The following SOX30 variants were observed in gnomAD, a reference collection of about 807,000 sequenced individuals.
SOX30 encodes the protein SRY-box transcription factor 30.
In SOX30, 17 loss-of-function variants were observed where a neutral mutation model predicts 58.6. That is an observed-to-expected ratio of 0.29 (90% CI 0.20 to 0.44). The LOEUF is 0.44. SOX30 is among the 20% of genes least tolerant of loss of function. SOX30 has a pLI of 1.00. For synonymous variants in SOX30, 421 were observed against 400.2 expected, an observed-to-expected ratio of 1.05 and a Z score of -0.62; for missense variants, 951 against 965.8, an observed-to-expected ratio of 0.98 and a Z score of 0.20.
At chr5:157,662,345 T>C (rs1759593302) in intron 2 of SOX30, among the ~76,000 whole-genome samples, 1 of 152,152 alleles carries the variant, frequency 6.6e-6, no homozygotes, top group African/African-American at 2.4e-5. Context: ...TTTCTTTTTA[T>C]TGATTTCTGC....
At chr5:157,627,221 G>T (rs1758679182) in intron 4 of SOX30, among the ~76,000 whole-genome samples, 1 of 152,050 alleles carries the variant, frequency 6.6e-6, no homozygotes. Flanking sequence ...AAATTAGCTG[G>T]GCATGGTGGT....
Position 157,652,068 on chromosome 5 carries a change from G to A in SOX30, c.11C>T (p.Ala4Val). 4.2e-6 allele frequency: 6 copies of A among 1,417,630 alleles called. No individual in the cohort carries two copies. The South Asian group carries it at 7.7e-5, about 18-fold the overall frequency. 87.8% of individuals were successfully genotyped at this position (1,417,630 alleles called of 1,614,324 possible). MER[A>V]RPEPPPQPRP... ...CGGCTGAGGCGGCGGCTCGGGTCTG[G>A]CTCTCTCCATGGGGGAGGGGGACGC... The change falls in exon 1 of 5, where the codon GCC (alanine) becomes GTC (valine). Residue 4 changes from alanine (A) to valine (V), a missense_variant. This residue lies in a region of SOX30 where 363 missense variants were observed against 294.5 expected (regional missense o/e 1.23). Coordinates refer to ENST00000265007, the MANE Select transcript of SOX30 (RefSeq NM_178424.2).
Position 157,664,643 on chromosome 5 carries a change from C to G in SOX30, c.52+3155G>C, listed in dbSNP as rs4569854. 3.6e-3 allele frequency among the ~76,000 whole-genome samples: 552 copies of G among 152,298 alleles called. 2 individuals carry two copies. Among genetic ancestry groups the G allele is most frequent in the African/African-American group, 0.013 (530 of 41,564 alleles). On this transcript the variant is annotated intron_variant, in intron 2 of 5. Transcript: ENST00000519442. ...AAGAGCTTCTGCACATCAAAAGAAA[C>G]TACCATCAGAGTGAACAGGCAACCT...
At position 157,666,482 on chromosome 5, in the gene SOX30, C is replaced by G. The variant is rs904260153; in HGVS notation, c.52+1316G>C. Reference sequence around the variant, plus strand: ...GAAAGATTCTTTAGTCCAGTAGACACACACACACACACACACACACACACA... The same window carrying G: ...GAAAGATTCTTTAGTCCAGTAGACAGACACACACACACACACACACACACA... On this transcript the variant is annotated intron_variant, in intron 2 of 5. Coordinates refer to the SOX30 transcript ENST00000519442. Among the ~76,000 whole-genome samples the G allele has an allele frequency of 2.4e-3, 38 of 15,518 alleles. 1 individual carries two copies. The African/African-American group carries it at 0.038, about 15-fold the overall frequency. The allele number at this position is 15,518 out of a possible 152,430, so 10.2% of individuals were successfully genotyped here.
intron 2 of SOX30, among the ~76,000 whole-genome samples, chr5:157,660,235 AC>A (rs1327978631): frequency 6.6e-6 from 1 of 152,206 alleles, no homozygotes; most frequent in Non-Finnish European, 1.5e-5. Context: ...GACATGGGCA[AC>A]GTGGCAAAAT....
chr5:157,656,835 G>T (rs75680782), upstream of SOX30, among the ~76,000 whole-genome samples: 13,840 of 152,190 alleles, frequency 0.091, 732 homozygotes, highest in Middle Eastern at 0.15. Flanking sequence ...TGGAAAGTGT[G>T]AAAAATTAAT....
At position 157,652,382 on chromosome 5, in the gene SOX30, A is replaced by G; in HGVS notation, c.-304T>C. On this transcript the variant is annotated 5_prime_UTR_variant, in exon 1 of 5. Transcript: ENST00000265007. ...CATTTTCGTTCTGACTCTCTTGTGGAGTTCTCTTACAGCCGTTGTCTTTAG... is the reference window on the plus strand; with the variant it reads ...CATTTTCGTTCTGACTCTCTTGTGGGGTTCTCTTACAGCCGTTGTCTTTAG... 5 of 1,123,258 alleles carry G rather than the reference A, an allele frequency of 4.5e-6. No individual in the cohort carries two copies. The highest frequency in any genetic ancestry group is 5.4e-6 in the Non-Finnish European group (5 of 919,868). The allele number at this position is 1,123,258 out of a possible 1,614,324, so 69.6% of individuals were successfully genotyped here.
At chr5:157,654,058 C>T (rs939711930), upstream of SOX30, among the ~76,000 whole-genome samples, 11 of 151,180 alleles carry the variant, frequency 7.3e-5, no homozygotes, top group African/African-American at 2.7e-4. Flanking sequence ...TCCAGCTACT[C>T]GGGAGGCTGA....
rs1308183232 is a variant in SOX30, at chr5:157,667,751, TACATACATACATACACAC to T, written c.52+29_52+46del. The T allele has an allele frequency of 1.1e-4, 158 of 1,422,688 alleles. No individual in the cohort carries two copies. In the African/African-American group the frequency reaches 3.6e-3, roughly 33 times the overall value. The allele number at this position is 1,422,688 out of a possible 1,614,324, so 88.1% of individuals were successfully genotyped here. A position where few individuals can be genotyped will look rare whatever the true frequency, so the allele number is the denominator to read the frequency against. ...GAGACTCCATCTCAGAATACATACA[TACATACATACATACACAC>T]ACACACACACACACACACACATACA... On this transcript the variant is annotated intron_variant, in intron 2 of 5. Coordinates refer to the SOX30 transcript ENST00000519442.
intron 4 of SOX30, 81 bp downstream of exon 4, chr5:157,638,149 C>CAAAAAAAAAAA: frequency 7.2e-7 from 1 of 1,381,088 alleles, no homozygotes; most frequent in South Asian, 1.5e-5. Flanking sequence ...TATTTAAAAA[C>CAAAAAAAAAAA]AAATAAACAA....
At chr5:157,633,426 C>A (rs1204478059) in intron 4 of SOX30, among the ~76,000 whole-genome samples, 2 of 152,148 alleles carry the variant, frequency 1.3e-5, no homozygotes, top group Non-Finnish European at 2.9e-5. Flanking sequence ...ACTTGTTGAT[C>A]ATTTTGGCAC....
intron 3 of SOX30, among the ~76,000 whole-genome samples, chr5:157,644,164 G>A (rs1759135396): frequency 6.6e-6 from 1 of 152,142 alleles, no homozygotes. Flanking sequence ...AAACAAATTT[G>A]TTTGTTTGTT....
intron 2 of SOX30, among the ~76,000 whole-genome samples, chr5:157,647,573 G>C (rs1041822548): frequency 6.6e-6 from 1 of 151,040 alleles, no homozygotes; most frequent in African/African-American, 2.4e-5. Context: ...TATTTTTTTT[G>C]AGACAGAGTC....
At chr5:157,643,121 C>A (rs1040009657) in intron 3 of SOX30, among the ~76,000 whole-genome samples, 1 of 151,780 alleles carries the variant, frequency 6.6e-6, no homozygotes, top group Non-Finnish European at 1.5e-5. Flanking sequence ...ACAACAACAA[C>A]AACAACAACA....
At chr5:157,646,586 A>G (rs1243421447) in intron 3 of SOX30, 51 bp downstream of exon 3, 15 of 1,376,554 alleles carry the variant, frequency 1.1e-5, no homozygotes, top group Non-Finnish European at 1.5e-5. Flanking sequence ...TTGAGGTAAA[A>G]TTTTCTTGCA....
At chr5:157,658,920 G>T (rs1354360592) in intron 2 of SOX30, among the ~76,000 whole-genome samples, 1 of 152,130 alleles carries the variant, frequency 6.6e-6, no homozygotes, top group Non-Finnish European at 1.5e-5. Flanking sequence ...GATAAAACAG[G>T]TTGCAGTAAA....
At chr5:157,638,157 C>CA (rs1232031375) in intron 4 of SOX30, 73 bp downstream of exon 4, 10 of 1,413,060 alleles carry the variant, frequency 7.1e-6, no homozygotes, top group South Asian at 2.9e-5. Context: ...AACAAATAAA[C>CA]AAAAAAATGT....
intron 3 of SOX30, among the ~76,000 whole-genome samples, chr5:157,643,752 AAAAC>A (rs1209903484): frequency 6.6e-6 from 1 of 152,192 alleles, no homozygotes; most frequent in Non-Finnish European, 1.5e-5. Flanking sequence ...ACATGCTTGA[AAAAC>A]AAAATTACCG....
At chr5:157,644,353 C>CA (rs1759140488) in intron 3 of SOX30, among the ~76,000 whole-genome samples, 1 of 152,020 alleles carries the variant, frequency 6.6e-6, no homozygotes. Flanking sequence ...TAAGCACAAA[C>CA]AAAAAAATCA....
Sources: gnomAD v4.1 joint callset for allele counts (sites outside exome capture counted in the v4.1 genomes callset) on GRCh38, gnomAD v4.1.1 for gene constraint, gnomAD v4.1.1 regional missense constraint, MANE v1.5 for transcripts, NCBI Gene and HGNC (gene_info 2026-07-23, HGNC 2026-07-21) for gene names.